POU2F2: variants seen among roughly 807,000 people sequenced by gnomAD.
POU2F2 encodes the protein POU class 2 homeobox 2.
POU2F2 carries 14 observed loss-of-function variants against 63.5 expected under a neutral mutation model. The observed-to-expected ratio is 0.22, with a 90% CI of 0.15 to 0.34. The LOEUF (loss-of-function observed/expected upper bound fraction) is 0.34, where lower values mean the gene tolerates loss of function less well. Ranked by LOEUF, POU2F2 falls within the 10% of genes least tolerant of loss-of-function variation. The pLI, the probability that POU2F2 is intolerant of heterozygous loss-of-function variation, is 1.00. For missense variants in POU2F2, 607 were observed against 815.2 expected (o/e 0.74, Z 3.11); for synonymous variants, 306 against 348.6 (o/e 0.88, Z 1.36).
At chr19:42,109,038 A>T (rs1299015451) in intron 5 of POU2F2, among the ~76,000 whole-genome samples, 2 of 152,230 alleles carry the variant, frequency 1.3e-5, no homozygotes, top group Non-Finnish European at 2.9e-5. Context: ...CATAGCTGGG[A>T]CTTTGGCTAT....
At position 42,099,782 on chromosome 19, in the gene POU2F2, C is replaced by G; in HGVS notation, c.409G>C (p.Val137Leu). Residue 137 changes from valine to leucine, a missense_variant, in exon 6 of 15, where the codon GTG becomes CTG. Transcript: ENST00000692977. ...QLLQLQQLVL[V>L]PGHHLQPPAQ... Reference sequence around the variant, plus strand: ...GGTGGCTGGAGGTGGTGGCCTGGCACAAGCACCAGCTGCTGGAGCTGGAGG... The same window carrying G: ...GGTGGCTGGAGGTGGTGGCCTGGCAGAAGCACCAGCTGCTGGAGCTGGAGG... The G allele has an allele frequency of 6.3e-7, 1 of 1,584,150 alleles. No homozygotes were observed. The highest frequency in any genetic ancestry group is 8.6e-7 in the Non-Finnish European group (1 of 1,163,784).
At chr19:42,115,050 T>C (rs1474550699) in intron 5 of POU2F2, among the ~76,000 whole-genome samples, 1 of 151,994 alleles carries the variant, frequency 6.6e-6, no homozygotes, top group Non-Finnish European at 1.5e-5. Flanking sequence ...CTCAGGAGGC[T>C]GAGGTGGGAG....
rs1356467611 is a variant in POU2F2 at position 42,098,429 on chromosome 19, AC to A, written c.567+1097del. 1.8e-4 allele frequency among the ~76,000 whole-genome samples: 27 copies of A among 151,294 alleles called. 1 individual carries two copies. Among genetic ancestry groups the A allele is most frequent in the East Asian group, 7.7e-4 (4 of 5,174 alleles). ...CTCCATCTCAAAAAAAAAAAAAAAA[AC>A]AAAAAGAAAGAAAGCCTACATAGGA... On this transcript the variant is annotated intron_variant, in intron 7 of 14. Transcript: ENST00000692977.
chr19:42,110,853 A>C, intron 5 of POU2F2: 1 of 398,394 alleles, frequency 2.5e-6, no homozygotes. Context: ...ATTATGACTG[A>C]GTCATTTCTC....
At position 42,089,433 on chromosome 19, in the gene POU2F2, T is replaced by C. The variant is rs1395250093; in HGVS notation, c.*1824A>G. ...CTTTTTTTAAAGCTTTTTCAGTTGA[T>C]TTGGGAGGGGAGTTTGGGGCTCTTC... On this transcript the variant is annotated 3_prime_UTR_variant, in exon 15 of 15. Coordinates refer to ENST00000692977, the MANE Select transcript of POU2F2 (RefSeq NM_001394376.1). 1.3e-5 allele frequency: 2 copies of C among 152,518 alleles called. No individual in the cohort carries two copies. The highest frequency in any genetic ancestry group is 4.8e-5 in the African/African-American group (2 of 41,400). The allele number at this position is 152,518 out of a possible 1,614,324, so 9.4% of individuals were successfully genotyped here. A position where few individuals can be genotyped will look rare whatever the true frequency, so the allele number is the denominator to read the frequency against.
intron 2 of POU2F2, among the ~76,000 whole-genome samples, chr19:42,147,572 G>A (rs1241687412): frequency 6.6e-6 from 1 of 152,148 alleles, no homozygotes; most frequent in Non-Finnish European, 1.5e-5. Context: ...ACAAACGCTG[G>A]GCACATAGTG....
chr19:42,120,644 T>C lies in POU2F2; in HGVS notation c.186+1482A>G, dbSNP rs750289835. Among the ~76,000 whole-genome samples the C allele has an allele frequency of 1.3e-4, 20 of 152,358 alleles. No homozygotes were observed. The South Asian group carries it at 1.7e-3, about 13-fold the overall frequency. On this transcript the variant is annotated intron_variant, in intron 4 of 14. Coordinates refer to ENST00000692977, the MANE Select transcript of POU2F2 (RefSeq NM_001394376.1). ...TTAATAATCATCATATTTATTTCCA[T>C]GGCAAGTGATTCTGGTTTTCCATTT...
Position 42,122,189 on chromosome 19 carries a change from A to G in POU2F2, c.130-7T>C, listed in dbSNP as rs372862927. 6 of 1,612,076 alleles carry G rather than the reference A, an allele frequency of 3.7e-6. No homozygotes were observed. The highest frequency in any genetic ancestry group is 4.5e-5 in the East Asian group (2 of 44,874). On this transcript the variant is annotated splice_polypyrimidine_tract_variant and splice_region_variant and intron_variant, in intron 3 of 14. Transcript: ENST00000692977. ...AGGTCTTATTTTGGGGGTTCTGCAA[A>G]GAGAAAGTAGGAGCAAGGGGATGGG...
intron 1 of POU2F2, among the ~76,000 whole-genome samples, chr19:42,130,198 C>G (rs1454999381): frequency 2.0e-5 from 3 of 152,134 alleles, no homozygotes; most frequent in Admixed American, 1.3e-4. Flanking sequence ...CTCACAGACT[C>G]AGACATGTGT....
At chr19:42,186,476 A>T (rs1234227741) in intron 1 of POU2F2, among the ~76,000 whole-genome samples, 1 of 152,038 alleles carries the variant, frequency 6.6e-6, no homozygotes, top group African/African-American at 2.4e-5. Flanking sequence ...GGGATTGCTA[A>T]AGCATAAACC....
chr19:42,099,513 A>T lies in POU2F2; in HGVS notation c.567+14T>A, dbSNP rs1330810444. ...CTGCTGGCCTGGCCTGGTGCACTCAATGGACAGTCTCACCTGTGTGGGAAG... is the reference window on the plus strand; with the variant it reads ...CTGCTGGCCTGGCCTGGTGCACTCATTGGACAGTCTCACCTGTGTGGGAAG... On this transcript the variant is annotated intron_variant, in intron 7 of 14. Transcript: ENST00000692977. 2.5e-6 allele frequency: 4 copies of T among 1,597,184 alleles called. No individual in the cohort carries two copies. Among genetic ancestry groups the T allele is most frequent in the African/African-American group, 1.3e-5 (1 of 74,660 alleles).
chr19:42,099,671 G>A, intron 6 of POU2F2, 45 bp downstream of exon 6: 1 of 1,601,648 alleles, frequency 6.2e-7, no homozygotes, highest in Non-Finnish European at 8.5e-7. Flanking sequence ...AGGTGAGGAA[G>A]TTCTGTGGAG....
rs1272106207 is a variant in POU2F2 at position 42,089,082 on chromosome 19, C to G, written c.*2175G>C. 1 of 152,726 alleles carries G rather than the reference C, an allele frequency of 6.5e-6. No homozygotes were observed. Among genetic ancestry groups the G allele is most frequent in the Non-Finnish European group, 1.5e-5 (1 of 68,090 alleles). 9.5% of individuals were successfully genotyped at this position (152,726 alleles called of 1,614,324 possible). ...TCAGGGCTCTCCTCTCTCTCTGCTC[C>G]TGCCCAACAAGGGGCAGGGGCCACA... On this transcript the variant is annotated 3_prime_UTR_variant, in exon 15 of 15. Coordinates refer to ENST00000692977, the MANE Select transcript of POU2F2 (RefSeq NM_001394376.1).
intron 1 of POU2F2, among the ~76,000 whole-genome samples, chr19:42,191,509 CAA>C (rs1404074619): frequency 5.9e-5 from 9 of 152,186 alleles, no homozygotes. Flanking sequence ...CACACCTCTG[CAA>C]AGAGTCCCTT....
chr19:42,121,470 G>C (rs1196459777), intron 4 of POU2F2, among the ~76,000 whole-genome samples: 1 of 152,118 alleles, frequency 6.6e-6, no homozygotes, highest in Admixed American at 6.5e-5. Context: ...CAAAGCTGTA[G>C]CAGGGTGGGG....
intron 5 of POU2F2, among the ~76,000 whole-genome samples, chr19:42,108,747 A>G (rs2030571910): frequency 6.6e-6 from 1 of 152,230 alleles, no homozygotes; most frequent in Non-Finnish European, 1.5e-5. Flanking sequence ...CGTCCGAGTC[A>G]GAGCACACCA....
intron 2 of POU2F2, among the ~76,000 whole-genome samples, chr19:42,149,300 A>C (rs1299948313): frequency 1.3e-5 from 2 of 151,950 alleles, no homozygotes; most frequent in East Asian, 3.9e-4. Context: ...TTCCCTAGAC[A>C]CTGACACTGC....
chr19:42,114,652 G>A (rs948029131), intron 5 of POU2F2, among the ~76,000 whole-genome samples: 3 of 152,190 alleles, frequency 2.0e-5, no homozygotes, highest in Non-Finnish European at 4.4e-5. Context: ...GGATCATGTG[G>A]TTAGAGCCCT....
upstream of POU2F2, among the ~76,000 whole-genome samples, chr19:42,137,268 G>T (rs1480928380): frequency 2.0e-5 from 3 of 152,030 alleles, no homozygotes; most frequent in African/African-American, 7.3e-5. Context: ...GAGCCCAGGA[G>T]TTCAAGGCTG....
Sources: allele counts gnomAD v4.1 joint callset (sites outside exome capture counted in the v4.1 genomes callset), GRCh38; gene constraint gnomAD v4.1.1; transcripts MANE v1.5; gene names NCBI Gene and HGNC (gene_info 2026-07-23, HGNC 2026-07-21).